TBC1D2B: variants seen among roughly 807,000 people sequenced by gnomAD.
TBC1D2B encodes TBC1 domain family, member 2B.
TBC1D2B carries 64 observed loss-of-function variants against 100.8 expected under a neutral mutation model. The ratio of observed to expected loss-of-function variants is 0.64; its 90% CI spans 0.52 to 0.78. The LOEUF (loss-of-function observed/expected upper bound fraction) is 0.78. Among genes scored for constraint, TBC1D2B ranks in the 30% least tolerant of loss-of-function variants. The pLI is 0.00. For synonymous variants in TBC1D2B, 480 were observed against 479.7 expected (o/e 1.00, Z -0.01); for missense variants, 1,052 against 1,218.4 (o/e 0.86, Z 2.03).
At chr15:78,033,651 A>G (rs2072874028) in intron 3 of TBC1D2B, among the ~76,000 whole-genome samples, 2 of 152,204 alleles carry the variant, frequency 1.3e-5, no homozygotes. Context: ...AACTTATTGG[A>G]GGTAAATTAT....
chr15:78,049,923 C>T (rs1232930011), intron 2 of TBC1D2B, among the ~76,000 whole-genome samples: 1 of 152,202 alleles, frequency 6.6e-6, no homozygotes, highest in African/African-American at 2.4e-5. Context: ...TCTCCCCATG[C>T]TGCCTCTCAG....
At chr15:78,019,093 C>T (rs8030873) in intron 6 of TBC1D2B, among the ~76,000 whole-genome samples, 75,827 of 151,604 alleles carry the variant, frequency 0.5, 19,970 homozygotes, top group East Asian at 0.64. Context: ...AGACTGCTGC[C>T]GCTCCCCAGA....
At chr15:78,036,125 CAG>C (rs2072940423) in intron 3 of TBC1D2B, among the ~76,000 whole-genome samples, 1 of 152,240 alleles carries the variant, frequency 6.6e-6, no homozygotes, top group Non-Finnish European at 1.5e-5. Flanking sequence ...CACATACACA[CAG>C]AGCGAAGTTC....
chr15:78,015,179 C>T (rs1038779946), intron 8 of TBC1D2B, among the ~76,000 whole-genome samples: 1 of 152,078 alleles, frequency 6.6e-6, no homozygotes. Flanking sequence ...CCAGCCTGGG[C>T]AACAGCGCGA....
Position 78,010,897 on chromosome 15 carries a change from T to C in TBC1D2B, c.2271-1783A>G, listed in dbSNP as rs548560786. On this transcript the variant is annotated intron_variant, in intron 9 of 12. Coordinates refer to ENST00000300584, the MANE Select transcript of TBC1D2B (RefSeq NM_144572.2). Reference sequence around the variant, plus strand: ...AAGTGTAGACAGAAAGCTTCAATTATCTGGAAGTGTCATTTATGTAGGAAA... The same window carrying C: ...AAGTGTAGACAGAAAGCTTCAATTACCTGGAAGTGTCATTTATGTAGGAAA... 1.1e-4 allele frequency among the ~76,000 whole-genome samples: 17 copies of C among 152,316 alleles called. No homozygotes were observed. The Middle Eastern group carries it at 0.014, about 122-fold the overall frequency.
In TBC1D2B at chr15:78,077,328, G is replaced by A; in HGVS notation, c.325C>T (p.Gln109Ter). The change falls in exon 1 of 13, where the codon CAG (glutamine) becomes TAG (stop). Residue 109 changes from glutamine to a stop codon, truncating the protein, a stop_gained. Coordinates refer to ENST00000300584, the MANE Select transcript of TBC1D2B (RefSeq NM_144572.2). LOFTEE classifies it high-confidence loss of function. ...GTGACGGCTCCCGCGCTGTGCACCT[G>A]GAAGTGCGCGGGCGGCTCCGTGCCC... ...EPGTEPPAHF[Q>*]VHSAGAVTVL... 1 of 1,536,164 alleles carries A rather than the reference G, an allele frequency of 6.5e-7. No individual in the cohort carries two copies. The highest frequency in any genetic ancestry group is 8.8e-7 in the Non-Finnish European group (1 of 1,142,046).
rs887700043 is a variant in TBC1D2B, at chr15:78,031,521, T to C, written c.684-1351A>G. Among the ~76,000 whole-genome samples, 53 of 117,886 alleles carry C rather than the reference T, an allele frequency of 4.5e-4. 1 individual carries two copies. Among genetic ancestry groups the C allele is most frequent in the Non-Finnish European group, 1.4e-4 (9 of 62,644 alleles). The allele number at this position is 117,886 out of a possible 152,430, so 77.3% of individuals were successfully genotyped here. ...GTGAGAAGAGATCACCCCACTGCAC[T>C]CCAGCCTGGGCGATAGAGCAAGACT... On this transcript the variant is annotated intron_variant, in intron 3 of 12. Coordinates refer to ENST00000300584, the MANE Select transcript of TBC1D2B (RefSeq NM_144572.2).
intron 9 of TBC1D2B, among the ~76,000 whole-genome samples, chr15:78,012,560 A>G (rs1309859040): frequency 2.0e-5 from 3 of 152,242 alleles, no homozygotes; most frequent in African/African-American, 4.8e-5. Flanking sequence ...TGCGATGAGA[A>G]CAAACAGGAA....
At chr15:78,020,529 C>A (rs2072491267) in intron 6 of TBC1D2B, among the ~76,000 whole-genome samples, 1 of 152,156 alleles carries the variant, frequency 6.6e-6, no homozygotes, top group Non-Finnish European at 1.5e-5. Flanking sequence ...CCTCACAATA[C>A]CTATGAGGAA....
At chr15:78,025,143 C>A in intron 5 of TBC1D2B, 116 bp downstream of exon 5, 1 of 855,584 alleles carries the variant, frequency 1.2e-6, no homozygotes, top group Non-Finnish European at 1.8e-6. Flanking sequence ...GGAAAAGCAA[C>A]TCCTGGGAAA....
intron 6 of TBC1D2B, among the ~76,000 whole-genome samples, chr15:78,021,994 C>T (rs1051316860): frequency 6.6e-6 from 1 of 152,200 alleles, no homozygotes; most frequent in South Asian, 2.1e-4. Flanking sequence ...CCAAGTGTCA[C>T]GCACGCCCTG....
intron 6 of TBC1D2B, 135 bp from the exon 7 acceptor site, chr15:78,018,092 A>C (rs2072422817): frequency 2.0e-6 from 1 of 493,514 alleles, no homozygotes; most frequent in East Asian, 3.3e-5. Context: ...AAAGAACTAG[A>C]AGTTGTTAAA....
intron 2 of TBC1D2B, among the ~76,000 whole-genome samples, chr15:78,049,905 C>T (rs1444810315): frequency 6.6e-6 from 1 of 152,240 alleles, no homozygotes; most frequent in East Asian, 1.9e-4. Flanking sequence ...GCTCAAGGTC[C>T]CATAAGCTCT....
At chr15:78,029,972 C>A (rs770724505) in intron 4 of TBC1D2B, 35 bp downstream of exon 4, 2 of 1,568,072 alleles carry the variant, frequency 1.3e-6, no homozygotes, top group Admixed American at 3.7e-5. Context: ...GATGGCAGTA[C>A]AGAGAATGAC....
intron 1 of TBC1D2B, among the ~76,000 whole-genome samples, chr15:78,060,095 T>C (rs2073511422): frequency 6.6e-6 from 1 of 152,182 alleles, no homozygotes. Flanking sequence ...GTAGCTAAAG[T>C]AGTCCAAAAG....
At chr15:78,004,266 G>A (rs971744559) in intron 10 of TBC1D2B, among the ~76,000 whole-genome samples, 1 of 152,162 alleles carries the variant, frequency 6.6e-6, no homozygotes, top group African/African-American at 2.4e-5. Context: ...AGATGAGAAG[G>A]GAAGGCCAGA....
chr15:78,006,577 G>C (rs1044705866), intron 10 of TBC1D2B, among the ~76,000 whole-genome samples: 3 of 152,224 alleles, frequency 2.0e-5, no homozygotes, highest in African/African-American at 7.2e-5. Context: ...TGTTCTAGGA[G>C]GCCGTGGGCA....
chr15:77,998,680 T>G, intron 12 of TBC1D2B: 1 of 258,398 alleles, frequency 3.9e-6, no homozygotes, highest in Non-Finnish European at 7.4e-6. Context: ...GGTGTGGGAT[T>G]ACTCGTGTTC....
intron 8 of TBC1D2B, among the ~76,000 whole-genome samples, chr15:78,013,688 A>G (rs2072295244): frequency 1.3e-5 from 2 of 152,124 alleles, no homozygotes; most frequent in African/African-American, 4.8e-5. Context: ...TATACACTAC[A>G]TATGTATAAC....
Sources: allele counts gnomAD v4.1 joint callset (sites outside exome capture counted in the v4.1 genomes callset), GRCh38; gene constraint gnomAD v4.1.1; transcripts MANE v1.5; gene names NCBI Gene and HGNC (gene_info 2026-07-23, HGNC 2026-07-21).